Variants in GNL3 observed in about 807,000 individuals in gnomAD.
The protein encoded by GNL3 is guanine nucleotide-binding protein-like 3.
A neutral mutation model predicts 70.6 loss-of-function variants in GNL3; 77 were observed. The observed-to-expected ratio is 1.09, with a 90% CI of 0.91 to 1.32. The LOEUF (loss-of-function observed/expected upper bound fraction) is 1.32. GNL3 is among the 40% of genes most tolerant of loss of function. The pLI, the probability that GNL3 is intolerant of heterozygous loss-of-function variation, is 0.00. For missense variants in GNL3, 634 were observed against 644.0 expected, an observed-to-expected ratio of 0.98 and a Z score of 0.17; for synonymous variants, 252 against 216.1, an observed-to-expected ratio of 1.17 and a Z score of -1.46.
chr3:52,687,202 TA>T, intron 2 of GNL3, 43 bp from the exon 3 acceptor site: 1 of 1,534,434 alleles, frequency 6.5e-7, no homozygotes, highest in Non-Finnish European at 9.0e-7. Flanking sequence ...TGCTTAAGTA[TA>T]AAGATATTTT....
At position 52,687,647 on chromosome 3, in the gene GNL3, CA is replaced by C. The variant is rs751452434; in HGVS notation, c.324+33del. ...TTAGGTCTCTTTATGAATGAGAGAT[CA>C]GGGGTTTTGATTTTGGTTTTTTTGC... On this transcript the variant is annotated intron_variant, in intron 4 of 14. Transcript: ENST00000418458. 7.2e-6 allele frequency: 10 copies of C among 1,379,872 alleles called. No individual in the cohort carries two copies. In the South Asian group the frequency reaches 9.5e-5, roughly 13 times the overall value. The allele number at this position is 1,379,872 out of a possible 1,614,324, so 85.5% of individuals were successfully genotyped here.
chr3:52,688,268 T>A, intron 5 of GNL3, 76 bp downstream of exon 5: 2 of 856,370 alleles, frequency 2.3e-6, no homozygotes, highest in Non-Finnish European at 4.0e-6. Context: ...TTTAACCTTT[T>A]AAGATGAAGG....
chr3:52,689,084 C>T lies in GNL3; in HGVS notation c.419C>T (p.Ala140Val). 6.2e-7 allele frequency: 1 copy of T among 1,613,282 alleles called. No individual in the cohort carries two copies. The highest frequency in any genetic ancestry group is 1.1e-5 in the South Asian group (1 of 91,046). Residue 140 changes from alanine (A) to valine (V), a missense_variant, in exon 6 of 15, where the codon GCC (alanine) becomes GTC (valine). By Grantham distance (64) the Ala-to-Val change is moderately conservative. Transcript: ENST00000418458. The stretch of plus-strand genomic sequence containing the variant: ...TTTTTTCCTTGATAGGTGATTGAAG[C>T]CTCCGATGTTGTCCTAGAGGTGTTG... The part of the protein sequence containing the change: ...YCQELKKVIE[A>V]SDVVLEVLDA...
At chr3:52,689,502 A>G (rs753780357) in intron 6 of GNL3, among the ~76,000 whole-genome samples, 7 of 152,220 alleles carry the variant, frequency 4.6e-5, no homozygotes, top group African/African-American at 1.7e-4. Flanking sequence ...TGACAGTGTG[A>G]CAAATTCCCC....
chr3:52,692,696 C>T (rs767416776), intron 9 of GNL3, 176 bp from the exon 10 acceptor site: 2 of 758,978 alleles, frequency 2.6e-6, no homozygotes, highest in East Asian at 2.4e-5. Flanking sequence ...ATGTAGTGTT[C>T]TCTTTAGAAC....
In GNL3 at chr3:52,687,249, C is replaced by T. The variant is rs771126510; in HGVS notation, c.76C>T (p.Arg26Ter). The T allele has an allele frequency of 4.3e-6, 7 of 1,611,064 alleles. No homozygotes were observed. In the Admixed American group the frequency reaches 5.0e-5, roughly 12 times the overall value. ...HKRYKIQKKV[R>*]EHHRKLRKEA... ...CAAAATCTCTTTATTTTAATAGGTTCGAGAACATCATCGAAAATTAAGAAA... is the reference window on the plus strand; with the variant it reads ...CAAAATCTCTTTATTTTAATAGGTTTGAGAACATCATCGAAAATTAAGAAA... Residue 26 changes from arginine (R) to a stop codon, truncating the protein, a stop_gained, in exon 3 of 15, where the codon CGA becomes TGA. Transcript: ENST00000418458. LOFTEE classifies it high-confidence loss of function.
chr3:52,687,748 T>A (rs1027777197), intron 4 of GNL3, 133 bp downstream of exon 4: 17 of 627,502 alleles, frequency 2.7e-5, no homozygotes, highest in African/African-American at 2.4e-4. Flanking sequence ...TCTTACCACC[T>A]CAGTCTCCAA....
Position 52,693,716 on chromosome 3 carries a change from A to C in GNL3, c.1409A>C (p.His470Pro). 2.5e-6 allele frequency: 4 copies of C among 1,613,996 alleles called. No individual in the cohort carries two copies. Among genetic ancestry groups the C allele is most frequent in the Non-Finnish European group, 3.4e-6 (4 of 1,179,884 alleles). Residue 470 changes from histidine (H) to proline (P), a missense_variant, in exon 13 of 15, where the codon CAT becomes CCT. Coordinates refer to ENST00000418458, the MANE Select transcript of GNL3 (RefSeq NM_014366.5). The part of the protein sequence containing the change: ...TNGIIEEKDI[H>P]EELPKRKERK... ...GGAATAATAGAAGAAAAGGACATAC[A>C]TGAAGAATTGCCAAAACGGAAAGAA...
Position 52,686,120 on chromosome 3 carries a change from G to T in GNL3, c.13+15G>T. On this transcript the variant is annotated intron_variant, in intron 1 of 14. Coordinates refer to ENST00000418458, the MANE Select transcript of GNL3 (RefSeq NM_014366.5). ...GAAAAGGCCTAGTAAGTGGGGTCGGGAGGCGGGCGTGGAGGGACCCACGTC... is the reference window on the plus strand; with the variant it reads ...GAAAAGGCCTAGTAAGTGGGGTCGGTAGGCGGGCGTGGAGGGACCCACGTC... 6.3e-7 allele frequency: 1 copy of T among 1,579,378 alleles called. No homozygotes were observed. Among genetic ancestry groups the T allele is most frequent in the Non-Finnish European group, 8.7e-7 (1 of 1,149,260 alleles).
rs2097330707 is a variant in GNL3 at position 52,694,393 on chromosome 3, A to G, written c.*118A>G. 3.3e-6 allele frequency: 2 copies of G among 610,886 alleles called. No individual in the cohort carries two copies. Among genetic ancestry groups the G allele is most frequent in the East Asian group, 5.5e-5 (2 of 36,060 alleles). The allele number at this position is 610,886 out of a possible 1,614,324, so 37.8% of individuals were successfully genotyped here. A position where few individuals can be genotyped will look rare whatever the true frequency, so the allele number is the denominator to read the frequency against. ...AAATTTTGTGAATATGTATTATATT[A>G]AAACCAGGCAACTTGGAATCCCTAA... is the stretch of plus-strand genomic sequence containing the variant. On this transcript the variant is annotated 3_prime_UTR_variant, in exon 15 of 15. Coordinates refer to ENST00000418458, the MANE Select transcript of GNL3 (RefSeq NM_014366.5).
At position 52,690,662 on chromosome 3, in the gene GNL3, C is replaced by T; in HGVS notation, c.612C>T (p.Phe204=). ...YLKKELPTVV[F]RASTKPKDKG... ...AGAAAGAATTGCCAACAGTGGTGTT[C>T]AGAGCCTCAACAAAACCAAAGGATA... The change falls in exon 7 of 15, where the codon TTC becomes TTT. Residue 204 remains phenylalanine (F), a synonymous_variant. Transcript: ENST00000418458. 6.2e-7 allele frequency: 1 copy of T among 1,609,522 alleles called. No individual in the cohort carries two copies. Among genetic ancestry groups the T allele is most frequent in the South Asian group, 1.1e-5 (1 of 90,974 alleles).
chr3:52,692,861 T>C lies in GNL3; in HGVS notation c.870-11T>C, dbSNP rs1414761127. The C allele has an allele frequency of 6.2e-7, 1 of 1,607,644 alleles. No homozygotes were observed. Among genetic ancestry groups the C allele is most frequent in the South Asian group, 1.1e-5 (1 of 90,966 alleles). On this transcript the variant is annotated splice_polypyrimidine_tract_variant and intron_variant, in intron 9 of 14. Coordinates refer to ENST00000418458, the MANE Select transcript of GNL3 (RefSeq NM_014366.5). ...CCAATGCCCCCATCAATTCCATCGC[T>C]CTTCTTTCAGGAGCATGCAAGTTGT... is the stretch of plus-strand genomic sequence containing the variant.
intron 6 of GNL3, among the ~76,000 whole-genome samples, chr3:52,689,533 ATTAG>A (rs2097325373): frequency 6.6e-6 from 1 of 152,226 alleles, no homozygotes; most frequent in Admixed American, 6.5e-5. Flanking sequence ...AATGTCGGGT[ATTAG>A]TTCAAGAGTG....
At chr3:52,689,309 C>A in intron 6 of GNL3, 103 bp downstream of exon 6, 1 of 1,122,946 alleles carries the variant, frequency 8.9e-7, no homozygotes, top group Non-Finnish European at 1.3e-6. Context: ...CTGATCTCAG[C>A]AAAGCCAGAG....
At chr3:52,688,700 A>T (rs903723960) in intron 5 of GNL3, among the ~76,000 whole-genome samples, 1 of 152,170 alleles carries the variant, frequency 6.6e-6, no homozygotes, top group Non-Finnish European at 1.5e-5. Flanking sequence ...CCCATCCCCA[A>T]CATCCATTTT....
At chr3:52,692,369 A>ATTTTTTTTTTTTTTTTT (rs1553911330) in intron 9 of GNL3, among the ~76,000 whole-genome samples, 13 of 126,402 alleles carry the variant, frequency 1.0e-4, no homozygotes, top group Admixed American at 2.7e-4. Flanking sequence ...CAACTTTTAG[A>ATTTTTTTTTTTTTTTTT]TTTTTTTTTT....
At chr3:52,693,601 C>A (rs1175844738) in intron 12 of GNL3, 31 bp from the exon 13 acceptor site, 3 of 1,613,796 alleles carry the variant, frequency 1.9e-6, no homozygotes, top group South Asian at 2.2e-5. Context: ...GGAGCTCTTA[C>A]CTGTTTACAT....
In GNL3 at chr3:52,693,346, G is replaced by A. The variant is rs1026260592; in HGVS notation, c.1187+17G>A. 6.2e-7 allele frequency: 1 copy of A among 1,613,474 alleles called. No homozygotes were observed. Among genetic ancestry groups the A allele is most frequent in the Non-Finnish European group, 8.5e-7 (1 of 1,179,872 alleles). Reference sequence around the variant, plus strand: ...GTGGACAGGGTAAGCTTTCTTTTCTGTTGGCATTTTGGTGACCACTAGAAT... The same window carrying A: ...GTGGACAGGGTAAGCTTTCTTTTCTATTGGCATTTTGGTGACCACTAGAAT... On this transcript the variant is annotated intron_variant, in intron 11 of 14. Coordinates refer to ENST00000418458, the MANE Select transcript of GNL3 (RefSeq NM_014366.5).
At chr3:52,688,949 A>C in intron 5 of GNL3, 125 bp from the exon 6 acceptor site, 1 of 752,784 alleles carries the variant, frequency 1.3e-6, no homozygotes, top group Non-Finnish European at 2.3e-6. Context: ...TCCAACTCTG[A>C]GCTCACCCTG....
Sources: allele counts gnomAD v4.1 joint callset (sites outside exome capture counted in the v4.1 genomes callset), GRCh38; gene constraint gnomAD v4.1.1; transcripts MANE v1.5; gene names NCBI Gene and HGNC (gene_info 2026-07-23, HGNC 2026-07-21).